Variants in KSR2 observed in about 807,000 individuals in gnomAD.
KSR2 encodes the protein kinase suppressor of ras 2.
A neutral mutation model predicts 107.8 loss-of-function variants in KSR2; 25 were observed. The observed-to-expected ratio is 0.23, with a 90% CI of 0.17 to 0.32. The LOEUF is 0.32. KSR2 is among the 10% of genes least tolerant of loss of function. The pLI is 1.00. For missense variants in KSR2, 887 were observed against 1,268.9 expected, an observed-to-expected ratio of 0.70 and a Z score of 4.57; for synonymous variants, 480 against 507.0, an observed-to-expected ratio of 0.95 and a Z score of 0.71.
At chr12:117,957,748 T>C (rs1344356371) in intron 1 of KSR2, among the ~76,000 whole-genome samples, 1 of 148,014 alleles carries the variant, frequency 6.8e-6, no homozygotes, top group Non-Finnish European at 1.5e-5. Context: ...AATTGTGAGT[T>C]ACACACACAC....
chr12:117,839,543 T>C (rs1324506391), intron 3 of KSR2, among the ~76,000 whole-genome samples: 1 of 152,232 alleles, frequency 6.6e-6, no homozygotes, highest in African/African-American at 2.4e-5. Context: ...GTTTTTAATA[T>C]TTTATCGTTA....
chr12:117,560,065 C>T (rs193004598), intron 7 of KSR2, among the ~76,000 whole-genome samples: 1 of 152,260 alleles, frequency 6.6e-6, no homozygotes, highest in Admixed American at 6.5e-5. Flanking sequence ...TTTGAATATG[C>T]AGGCACAGAC....
At chr12:117,603,646 G>C (rs747612191) in intron 5 of KSR2, among the ~76,000 whole-genome samples, 3 of 152,208 alleles carry the variant, frequency 2.0e-5, no homozygotes, top group Non-Finnish European at 4.4e-5. Flanking sequence ...CATCAATGCT[G>C]CCTCTGGCAA....
chr12:117,843,385 G>A (rs538823094), intron 3 of KSR2, among the ~76,000 whole-genome samples: 19 of 152,234 alleles, frequency 1.2e-4, no homozygotes, highest in South Asian at 2.1e-4. Context: ...ACTGAGCCCC[G>A]ACCATGTCTC....
intron 1 of KSR2, among the ~76,000 whole-genome samples, chr12:117,903,330 A>G (rs1187025150): frequency 1.3e-5 from 2 of 152,232 alleles, no homozygotes; most frequent in African/African-American, 4.8e-5. Flanking sequence ...TTTGCATATA[A>G]CAGTATAGTG....
At chr12:117,614,846 A>C (rs1056648938) in intron 5 of KSR2, among the ~76,000 whole-genome samples, 10 of 152,150 alleles carry the variant, frequency 6.6e-5, no homozygotes, top group Non-Finnish European at 1.3e-4. Context: ...TCTGAGTGTT[A>C]TCTCTCTATT....
chr12:117,650,228 C>T (rs796851061), intron 5 of KSR2, among the ~76,000 whole-genome samples: 3 of 152,254 alleles, frequency 2.0e-5, no homozygotes, highest in African/African-American at 7.2e-5. Context: ...GCCTAGCCTC[C>T]CAGCCTACAT....
At position 117,850,976 on chromosome 12, in the gene KSR2, G is replaced by C. The variant is rs78390148; in HGVS notation, c.472+4452C>G. Among the ~76,000 whole-genome samples, 279 of 152,256 alleles carry C rather than the reference G, an allele frequency of 1.8e-3. 3 individuals carry two copies. The highest frequency in any genetic ancestry group is 6.6e-3 in the African/African-American group (273 of 41,540). On this transcript the variant is annotated intron_variant, in intron 3 of 19. Coordinates refer to ENST00000339824, the MANE Select transcript of KSR2 (RefSeq NM_173598.6). ...TAAAAACAAATTGCTCCCCAAAACA[G>C]GTAAGCATTAAAATGTTTTTAAGTG...
chr12:117,608,634 G>T (rs1301472654), intron 5 of KSR2, among the ~76,000 whole-genome samples: 1 of 151,704 alleles, frequency 6.6e-6, no homozygotes, highest in Non-Finnish European at 1.5e-5. Context: ...ACAAACAGAA[G>T]AAAAAAATAA....
intron 16 of KSR2, among the ~76,000 whole-genome samples, chr12:117,480,693 T>A (rs1043716783): frequency 6.6e-6 from 1 of 152,154 alleles, no homozygotes; most frequent in South Asian, 2.1e-4. Context: ...TCCTGCTGAG[T>A]GCCTACTGTT....
At chr12:117,760,683 A>G (rs1322861662) in intron 4 of KSR2, among the ~76,000 whole-genome samples, 2 of 152,230 alleles carry the variant, frequency 1.3e-5, no homozygotes, top group African/African-American at 4.8e-5. Context: ...TCACTCTGCC[A>G]TTGTCACACA....
intron 3 of KSR2, among the ~76,000 whole-genome samples, chr12:117,815,992 T>TAA (rs1249013983): frequency 4.2e-5 from 1 of 23,620 alleles, no homozygotes; most frequent in East Asian, 1.3e-3. Flanking sequence ...AAAAATAAAG[T>TAA]GTGTGTGTGT....
At chr12:117,749,384 T>C (rs1414523791) in intron 4 of KSR2, among the ~76,000 whole-genome samples, 2 of 151,850 alleles carry the variant, frequency 1.3e-5, no homozygotes, top group African/African-American at 4.8e-5. Flanking sequence ...CTTGGGCTCC[T>C]TCTAAAACAC....
At chr12:117,854,339 A>G (rs1035378650) in intron 3 of KSR2, among the ~76,000 whole-genome samples, 21 of 152,154 alleles carry the variant, frequency 1.4e-4, no homozygotes, top group African/African-American at 4.3e-4. Flanking sequence ...CTGTACCTGA[A>G]TCAGGATCTG....
intron 5 of KSR2, among the ~76,000 whole-genome samples, chr12:117,594,018 C>T (rs1880486484): frequency 6.6e-6 from 1 of 152,216 alleles, no homozygotes; most frequent in African/African-American, 2.4e-5. Flanking sequence ...GTTCCTCACA[C>T]ACTACATCAT....
intron 3 of KSR2, among the ~76,000 whole-genome samples, chr12:117,783,365 A>G (rs1889950197): frequency 1.3e-5 from 2 of 152,224 alleles, no homozygotes; most frequent in Non-Finnish European, 2.9e-5. Context: ...AAGTAGCACG[A>G]CAACAGCAAT....
chr12:117,763,365 A>AT (rs1437560023), intron 3 of KSR2, among the ~76,000 whole-genome samples: 1 of 152,038 alleles, frequency 6.6e-6, no homozygotes, highest in Non-Finnish European at 1.5e-5. Flanking sequence ...GTGTATTAAC[A>AT]TTTTTCATTC....
chr12:117,734,686 A>G (rs2136750192), intron 4 of KSR2, among the ~76,000 whole-genome samples: 1 of 152,242 alleles, frequency 6.6e-6, no homozygotes, highest in South Asian at 2.1e-4. Context: ...ATCCCTGCTG[A>G]GACCTGGCTT....
rs1565990102 is a variant in KSR2 at position 117,740,488 on chromosome 12, ATATATGTT to A, written c.986+20515_986+20522del. Among the ~76,000 whole-genome samples the A allele has an allele frequency of 6.1e-5, 8 of 130,774 alleles. 1 individual carries two copies. The highest frequency in any genetic ancestry group is 1.7e-4 in the African/African-American group (6 of 34,700). The allele number at this position is 130,774 out of a possible 152,430, so 85.8% of individuals were successfully genotyped here. ...TTATATGTAATATATAACATATAAT[ATATATGTT>A]ATATATTACATTTATATAATATATA... On this transcript the variant is annotated intron_variant, in intron 4 of 19. Coordinates refer to ENST00000339824, the MANE Select transcript of KSR2 (RefSeq NM_173598.6).
Sources: gnomAD v4.1 joint callset for allele counts (sites outside exome capture counted in the v4.1 genomes callset) on GRCh38, gnomAD v4.1.1 for gene constraint, MANE v1.5 for transcripts, NCBI Gene and HGNC (gene_info 2026-07-23, HGNC 2026-07-21) for gene names.